The following MVB12B variants were observed in gnomAD, a reference collection of about 807,000 sequenced individuals.
MVB12B encodes multivesicular body subunit 12B.
A neutral mutation model predicts 41.6 loss-of-function variants in MVB12B; 16 were observed. The observed-to-expected ratio is 0.38, with a 90% CI of 0.26 to 0.58. MVB12B has a LOEUF of 0.58. Among genes scored for constraint, MVB12B ranks in the 20% least tolerant of loss-of-function variants. The probability of loss-of-function intolerance (pLI) is 0.62; values close to 1 mark genes in which losing one functional copy is unlikely to be tolerated. For missense variants in MVB12B, 274 were observed against 380.2 expected (o/e 0.72, Z 2.32); for synonymous variants, 133 against 139.7 (o/e 0.95, Z 0.34).
chr9:126,450,117 C>T (rs1481895944), intron 7 of MVB12B, among the ~76,000 whole-genome samples: 1 of 152,244 alleles, frequency 6.6e-6, no homozygotes, highest in Non-Finnish European at 1.5e-5. Flanking sequence ...AAGTTCATGT[C>T]GCAGTCTGGT....
At chr9:126,452,532 C>T (rs1355340431) in intron 7 of MVB12B, among the ~76,000 whole-genome samples, 1 of 152,166 alleles carries the variant, frequency 6.6e-6, no homozygotes, top group Non-Finnish European at 1.5e-5. Context: ...GGCCTCAGGT[C>T]GTTTGGCCAG....
chr9:126,435,473 C>A (rs2119124793), intron 7 of MVB12B, among the ~76,000 whole-genome samples: 1 of 152,272 alleles, frequency 6.6e-6, no homozygotes, highest in East Asian at 1.9e-4. Flanking sequence ...GAGAGAACTT[C>A]TCAACATTTA....
intron 9 of MVB12B, among the ~76,000 whole-genome samples, chr9:126,497,725 G>A (rs1833867959): frequency 6.6e-6 from 1 of 152,172 alleles, no homozygotes; most frequent in East Asian, 1.9e-4. Context: ...ACTTTCTCAC[G>A]CTTTCTGGAG....
At chr9:126,492,471 G>C (rs1245667040) in intron 9 of MVB12B, among the ~76,000 whole-genome samples, 1 of 152,052 alleles carries the variant, frequency 6.6e-6, no homozygotes, top group Non-Finnish European at 1.5e-5. Context: ...TGGTGCCTGA[G>C]GGGACCTTTC....
chr9:126,397,922 C>T (rs1166563853), intron 6 of MVB12B, among the ~76,000 whole-genome samples: 9 of 152,002 alleles, frequency 5.9e-5, no homozygotes, highest in South Asian at 4.2e-4. Context: ...GCTTGTGCTC[C>T]GAGTGCTGGG....
At chr9:126,342,712 G>A (rs1418129986) in intron 2 of MVB12B, among the ~76,000 whole-genome samples, 3 of 152,162 alleles carry the variant, frequency 2.0e-5, no homozygotes, top group African/African-American at 4.8e-5. Context: ...GCAGATAAGC[G>A]TCTCGTTCCC....
intron 7 of MVB12B, among the ~76,000 whole-genome samples, chr9:126,442,002 G>C (rs981026230): frequency 6.6e-5 from 10 of 152,108 alleles, no homozygotes; most frequent in Non-Finnish European, 2.9e-5. Flanking sequence ...TAGCTGCTGG[G>C]TTTCATAATG....
intron 6 of MVB12B, among the ~76,000 whole-genome samples, chr9:126,399,777 C>T (rs1448232953): frequency 1.3e-5 from 2 of 152,154 alleles, no homozygotes; most frequent in Non-Finnish European, 2.9e-5. Flanking sequence ...AGAACCATGG[C>T]TTGATAAAGA....
At chr9:126,415,913 A>G (rs918919065) in intron 6 of MVB12B, among the ~76,000 whole-genome samples, 7 of 152,096 alleles carry the variant, frequency 4.6e-5, no homozygotes, top group Non-Finnish European at 1.5e-5. Context: ...CTGGGGAGGG[A>G]AGCCAGCCGC....
intron 7 of MVB12B, among the ~76,000 whole-genome samples, chr9:126,464,726 A>G (rs536111518): frequency 2.3e-4 from 35 of 152,310 alleles, no homozygotes; most frequent in African/African-American, 7.7e-4. Flanking sequence ...TTCAGGTCAC[A>G]TGGCAAGGTG....
At chr9:126,411,421 G>A (rs1482376181) in intron 6 of MVB12B, among the ~76,000 whole-genome samples, 3 of 152,186 alleles carry the variant, frequency 2.0e-5, no homozygotes, top group Non-Finnish European at 2.9e-5. Flanking sequence ...AAAAAAGTGC[G>A]CTGAGTCAGT....
rs1831365674 is a variant in MVB12B, at chr9:126,404,621, C to T, written c.662+8924C>T. Reference sequence around the variant, plus strand: ...GGTGGGGAACTCATCCCACAGAGGCCCCTCTGGTCAGAAACCGCCTAAGCG... The same window carrying T: ...GGTGGGGAACTCATCCCACAGAGGCTCCTCTGGTCAGAAACCGCCTAAGCG... On this transcript the variant is annotated intron_variant, in intron 6 of 9. Coordinates refer to ENST00000361171, the MANE Select transcript of MVB12B (RefSeq NM_033446.3). Among the ~76,000 whole-genome samples, 5 of 152,298 alleles carry T rather than the reference C, an allele frequency of 3.3e-5. No homozygotes were observed. In the South Asian group the frequency reaches 1.0e-3, roughly 32 times the overall value.
At chr9:126,482,037 C>G (rs992287610) in intron 8 of MVB12B, among the ~76,000 whole-genome samples, 1 of 152,258 alleles carries the variant, frequency 6.6e-6, no homozygotes, top group Non-Finnish European at 1.5e-5. Flanking sequence ...GCCAGGCTCA[C>G]GCCATCTTTT....
intron 9 of MVB12B, among the ~76,000 whole-genome samples, chr9:126,488,363 AAATAG>A (rs749787256): frequency 3.0e-5 from 3 of 101,476 alleles, no homozygotes; most frequent in Non-Finnish European, 6.6e-5. Flanking sequence ...AAAAAAAAAA[AAATAG>A]AGTAAATACA....
rs1829201232 is a variant in MVB12B, at chr9:126,333,857, CCA to C, written c.82-6650_82-6649del. Among the ~76,000 whole-genome samples, 1 of 98,678 alleles carries C rather than the reference CCA, an allele frequency of 1.0e-5. No individual in the cohort carries two copies. Among genetic ancestry groups the C allele is most frequent in the Non-Finnish European group, 2.4e-5 (1 of 41,618 alleles). 64.7% of individuals were successfully genotyped at this position (98,678 alleles called of 152,430 possible). On this transcript the variant is annotated intron_variant, in intron 1 of 9. Transcript: ENST00000361171. This position sits in a 1 kb window ranked among gnomAD's most constrained non-coding sequence, Gnocchi z 4.7. ...CTTTAGGTTCATTCCATCCATCCATCCATCCATCCATCCATCCATCCATCCAT... is the reference window on the plus strand; with the variant it reads ...CTTTAGGTTCATTCCATCCATCCATCTCCATCCATCCATCCATCCATCCAT...
intron 3 of MVB12B, among the ~76,000 whole-genome samples, chr9:126,383,133 A>G (rs1029009225): frequency 2.0e-5 from 3 of 152,182 alleles, no homozygotes; most frequent in Admixed American, 2.0e-4. Context: ...GAGGAATCAG[A>G]ATATTTTAAT....
At position 126,338,837 on chromosome 9, in the gene MVB12B, A is replaced by G. The variant is rs894339546; in HGVS notation, c.82-1671A>G. On this transcript the variant is annotated intron_variant, in intron 1 of 9. Transcript: ENST00000361171. ...TGCAGATATTTAATTCTAAACCTTT[A>G]CTGGGGACATGCACTAAGTAAATAT... Among the ~76,000 whole-genome samples the G allele has an allele frequency of 4.6e-5, 7 of 152,282 alleles. No individual in the cohort carries two copies. In the South Asian group the frequency reaches 1.4e-3, roughly 32 times the overall value.
At chr9:126,452,587 C>T (rs1175944703) in intron 7 of MVB12B, among the ~76,000 whole-genome samples, 3 of 152,192 alleles carry the variant, frequency 2.0e-5, no homozygotes, top group Admixed American at 1.3e-4. Context: ...AATAACAAGG[C>T]AGCTGTTCAG....
chr9:126,392,011 A>C lies in MVB12B; in HGVS notation c.410-55A>C. ...TGACAGGGGATGTGGTTTTCAGAAT[A>C]GAGATTCTGGTATCTCTGGAAAACT... On this transcript the variant is annotated intron_variant, in intron 4 of 9. Coordinates refer to ENST00000361171, the MANE Select transcript of MVB12B (RefSeq NM_033446.3). The surrounding 1 kb of genome is among the most constrained non-coding windows in gnomAD (Gnocchi z 4.8). 6.2e-7 allele frequency: 1 copy of C among 1,601,608 alleles called. No homozygotes were observed. The highest frequency in any genetic ancestry group is 8.6e-7 in the Non-Finnish European group (1 of 1,169,366).
Sources: gnomAD v4.1 joint callset for allele counts (sites outside exome capture counted in the v4.1 genomes callset) on GRCh38, gnomAD v4.1.1 for gene constraint, Gnocchi (gnomAD v3.1) non-coding constraint, MANE v1.5 for transcripts, NCBI Gene and HGNC (gene_info 2026-07-23, HGNC 2026-07-21) for gene names.